The following GMDS variants were observed in gnomAD, a reference collection of about 807,000 sequenced individuals.
GMDS encodes GDP-mannose 4,6-dehydratase, also known as GDP-mannose 4,6 dehydratase.
A neutral mutation model predicts 49.9 loss-of-function variants in GMDS; 20 were observed. That is an observed-to-expected ratio of 0.40 (90% CI 0.28 to 0.58). GMDS has a LOEUF of 0.58. GMDS is among the 20% of genes least tolerant of loss of function. The pLI, the probability that GMDS is intolerant of heterozygous loss-of-function variation, is 0.42. For synonymous variants in GMDS, 177 were observed against 178.6 expected (o/e 0.99, Z 0.07); for missense variants, 362 against 481.4 (o/e 0.75, Z 2.32).
intron 4 of GMDS, among the ~76,000 whole-genome samples, chr6:2,019,990 T>C (rs1026934866): frequency 3.9e-5 from 6 of 152,206 alleles, no homozygotes; most frequent in Admixed American, 3.9e-4. Context: ...AATCTGTTAA[T>C]ATTTTGTTTT....
intron 4 of GMDS, among the ~76,000 whole-genome samples, chr6:2,064,565 G>A (rs1378063163): frequency 6.6e-6 from 1 of 152,026 alleles, no homozygotes; most frequent in Non-Finnish European, 1.5e-5. Flanking sequence ...GATCCCAAAG[G>A]ACCTCCTCCC....
chr6:2,153,890 C>T (rs1313918373), intron 1 of GMDS, among the ~76,000 whole-genome samples: 1 of 152,054 alleles, frequency 6.6e-6, no homozygotes, highest in African/African-American at 2.4e-5. Context: ...ATAACGTTTA[C>T]AGAAATTTGT....
chr6:1,728,434 G>C lies in GMDS; in HGVS notation c.891-1922C>G, dbSNP rs3800029. Among the ~76,000 whole-genome samples, 16 of 152,210 alleles carry C rather than the reference G, an allele frequency of 1.1e-4. No homozygotes were observed. The East Asian group carries it at 3.1e-3, about 29-fold the overall frequency. On this transcript the variant is annotated intron_variant, in intron 8 of 10. Transcript: ENST00000380815. ...GATAGTACCTCCAACCAAGTCAAAG[G>C]GTTAACAGAAATACCATTTACAATT... is the stretch of plus-strand genomic sequence containing the variant.
intron 2 of GMDS, among the ~76,000 whole-genome samples, chr6:2,118,335 T>C (rs753761799): frequency 1.3e-5 from 2 of 152,222 alleles, no homozygotes; most frequent in Non-Finnish European, 2.9e-5. Flanking sequence ...GCTCCCTTTG[T>C]GCTGCCAATG....
At chr6:2,157,763 C>T (rs1777180515) in intron 1 of GMDS, among the ~76,000 whole-genome samples, 1 of 152,074 alleles carries the variant, frequency 6.6e-6, no homozygotes, top group African/African-American at 2.4e-5. Context: ...TGAAAGAGAG[C>T]CACAGGAAAA....
intron 9 of GMDS, among the ~76,000 whole-genome samples, chr6:1,691,217 G>A (rs144204671): frequency 0.011 from 1,714 of 152,204 alleles, 26 homozygotes; most frequent in African/African-American, 0.034. Flanking sequence ...CAGGGACATC[G>A]ATGAAGCTGG....
chr6:1,761,645 G>T (rs982546354), intron 7 of GMDS, among the ~76,000 whole-genome samples: 1 of 152,062 alleles, frequency 6.6e-6, no homozygotes, highest in African/African-American at 2.4e-5. Flanking sequence ...CTAATTTAAT[G>T]TTGTATTTTT....
intron 9 of GMDS, among the ~76,000 whole-genome samples, chr6:1,646,982 C>T (rs568214862): frequency 2.0e-4 from 31 of 152,262 alleles, no homozygotes; most frequent in African/African-American, 7.2e-4. Flanking sequence ...CCTGTGGGCA[C>T]GGGTGGTAGC....
chr6:1,758,724 T>C (rs1415653574), intron 7 of GMDS, among the ~76,000 whole-genome samples: 1 of 152,176 alleles, frequency 6.6e-6, no homozygotes, highest in African/African-American at 2.4e-5. Context: ...TGTCTAGAGC[T>C]TGGGCTGGGA....
At chr6:1,655,513 ACACACATAT>A (rs1270365243) in intron 9 of GMDS, among the ~76,000 whole-genome samples, 11 of 104,440 alleles carry the variant, frequency 1.1e-4, no homozygotes, top group South Asian at 7.9e-4. Context: ...ACACACACAC[ACACACATAT>A]TTTTTTTTTT....
chr6:2,212,791 C>T (rs191990205), intron 1 of GMDS, among the ~76,000 whole-genome samples: 36 of 151,262 alleles, frequency 2.4e-4, no homozygotes, highest in African/African-American at 8.0e-4. Context: ...TTCACATGTG[C>T]AGCTCGACAT....
intron 9 of GMDS, among the ~76,000 whole-genome samples, chr6:1,687,138 T>G (rs887656059): frequency 2.6e-5 from 4 of 152,176 alleles, no homozygotes; most frequent in African/African-American, 9.6e-5. Context: ...GCCCCAGAGA[T>G]GTCCTTACCT....
chr6:1,765,773 G>A (rs973037017), intron 7 of GMDS, among the ~76,000 whole-genome samples: 17 of 152,140 alleles, frequency 1.1e-4, no homozygotes, highest in African/African-American at 4.1e-4. Context: ...CCAGATTCTC[G>A]CTGGTGCCCG....
At chr6:2,051,947 T>C (rs948620814) in intron 4 of GMDS, among the ~76,000 whole-genome samples, 20 of 151,668 alleles carry the variant, frequency 1.3e-4, no homozygotes, top group Non-Finnish European at 2.5e-4. Context: ...TGAAACCCCA[T>C]CCCTACTAAA....
intron 1 of GMDS, among the ~76,000 whole-genome samples, chr6:2,183,017 T>A (rs967848212): frequency 2.6e-5 from 4 of 152,114 alleles, no homozygotes; most frequent in African/African-American, 9.7e-5. Context: ...CAAAAGATTA[T>A]TTGCAAATCA....
chr6:1,817,901 T>C (rs186715032), intron 7 of GMDS, among the ~76,000 whole-genome samples: 67 of 152,298 alleles, frequency 4.4e-4, no homozygotes, highest in South Asian at 1.0e-3. Flanking sequence ...TTTTTCTTTT[T>C]CTTTCTTTTT....
intron 7 of GMDS, among the ~76,000 whole-genome samples, chr6:1,754,706 A>T (rs1050492575): frequency 6.6e-6 from 1 of 152,168 alleles, no homozygotes; most frequent in African/African-American, 2.4e-5. Flanking sequence ...CATCCCTGGG[A>T]TGCAAGGCTG....
rs535227437 is a variant in GMDS at position 1,773,194 on chromosome 6, C to CT, written c.772-30609dup. Among the ~76,000 whole-genome samples, 1,288 of 143,482 alleles carry CT rather than the reference C, an allele frequency of 9.0e-3. 6 individuals carry two copies. The highest frequency in any genetic ancestry group is 0.018 in the South Asian group (82 of 4,528). 94.1% of individuals were successfully genotyped at this position (143,482 alleles called of 152,430 possible). A position where few individuals can be genotyped will look rare whatever the true frequency, so the allele number is the denominator to read the frequency against. On this transcript the variant is annotated intron_variant, in intron 7 of 10. Coordinates refer to ENST00000380815, the MANE Select transcript of GMDS (RefSeq NM_001500.4). ...AGTTAGAAAATGCACAGAGGGTCCTCTTTTTTTTTTTTTTTTAACTTTAAG... is the reference window on the plus strand; with the variant it reads ...AGTTAGAAAATGCACAGAGGGTCCTCTTTTTTTTTTTTTTTTTAACTTTAAG...
chr6:2,054,651 T>G (rs1329816404), intron 4 of GMDS, among the ~76,000 whole-genome samples: 1 of 152,080 alleles, frequency 6.6e-6, no homozygotes, highest in Non-Finnish European at 1.5e-5. Flanking sequence ...CTGGCTGACA[T>G]TTAAACCAGA....
Sources: allele counts gnomAD v4.1 joint callset (sites outside exome capture counted in the v4.1 genomes callset), GRCh38; gene constraint gnomAD v4.1.1; transcripts MANE v1.5; gene names NCBI Gene and HGNC (gene_info 2026-07-23, HGNC 2026-07-21).